The following BASP1 variants were observed in gnomAD, a reference collection of about 807,000 sequenced individuals.
BASP1 encodes brain abundant membrane attached signal protein 1.
BASP1 carries 1 observed loss-of-function variant against 2.2 expected under a neutral mutation model. That is an observed-to-expected ratio of 0.46 (90% CI 0.16 to 2.17). BASP1 has a LOEUF of 2.17. BASP1 is among the 30% of genes most tolerant of loss of function. The probability of loss-of-function intolerance (pLI) is 0.27; values close to 1 mark genes in which losing one functional copy is unlikely to be tolerated. For missense variants in BASP1, 352 were observed against 327.2 expected, an observed-to-expected ratio of 1.08 and a Z score of -0.58; for synonymous variants, 187 against 154.2, an observed-to-expected ratio of 1.21 and a Z score of -1.58.
At chr5:17,237,073 T>C (rs919130881) in intron 1 of BASP1, among the ~76,000 whole-genome samples, 41 of 152,002 alleles carry the variant, frequency 2.7e-4, no homozygotes, top group Admixed American at 2.2e-3. Flanking sequence ...TGGCTGGGCA[T>C]GGTGGCTCAC....
chr5:17,257,981 CTTGAAA>C (rs1197417177), intron 1 of BASP1, among the ~76,000 whole-genome samples: 1 of 152,158 alleles, frequency 6.6e-6, no homozygotes, highest in African/African-American at 2.4e-5. Context: ...ATCAGGGGTT[CTTGAAA>C]TTGCTCACAC....
chr5:17,275,364 G>C lies in BASP1; in HGVS notation c.148G>C (p.Glu50Gln), dbSNP rs746697251. 1 of 1,599,356 alleles carries C rather than the reference G, an allele frequency of 6.3e-7. No homozygotes were observed. Residue 50 changes from glutamate to glutamine, a missense_variant, in exon 2 of 2, where the codon GAG becomes CAG. Physicochemically the swap from Glu to Gln is conservative, Grantham distance 29. Coordinates refer to ENST00000322611, the MANE Select transcript of BASP1 (RefSeq NM_006317.5). This position sits in a 1 kb window ranked among gnomAD's most constrained non-coding sequence, Gnocchi z 5.3. ...SEPQAAAEPA[E>Q]AKEGKEKPDQ... ...GCCCCAGGCGGCCGCAGAGCCCGCC[G>C]AGGCCAAGGAGGGCAAGGAGAAGCC...
intron 1 of BASP1, among the ~76,000 whole-genome samples, chr5:17,268,449 A>C (rs1434438763): frequency 6.6e-6 from 1 of 152,236 alleles, no homozygotes; most frequent in African/African-American, 2.4e-5. Flanking sequence ...TGGTCATGTC[A>C]GCAGCCAAAT....
intron 1 of BASP1, among the ~76,000 whole-genome samples, chr5:17,273,742 G>T (rs190187234): frequency 1.3e-5 from 2 of 152,282 alleles, no homozygotes; most frequent in East Asian, 3.9e-4. Flanking sequence ...TCTGCCAGTG[G>T]ACCTGACCTG....
At chr5:17,238,934 G>A (rs1169761261) in intron 1 of BASP1, among the ~76,000 whole-genome samples, 3 of 152,090 alleles carry the variant, frequency 2.0e-5, no homozygotes, top group East Asian at 3.9e-4. Flanking sequence ...TCTGATCAAC[G>A]GGTAGGAAAG....
intron 1 of BASP1, among the ~76,000 whole-genome samples, chr5:17,225,374 A>C (rs578098193): frequency 6.6e-6 from 1 of 151,882 alleles, no homozygotes; most frequent in East Asian, 1.9e-4. Flanking sequence ...GGGACGGTGC[A>C]GTCACTACCT....
chr5:17,221,944 T>A (rs534268612), intron 1 of BASP1, among the ~76,000 whole-genome samples: 1 of 152,220 alleles, frequency 6.6e-6, no homozygotes, highest in South Asian at 2.1e-4. Context: ...TAAAAATGAC[T>A]TAAGTGTGGA....
chr5:17,226,299 A>C (rs750199030), intron 1 of BASP1, among the ~76,000 whole-genome samples: 1 of 152,258 alleles, frequency 6.6e-6, no homozygotes, highest in African/African-American at 2.4e-5. Context: ...TTTATGAAGA[A>C]ATAGCTGTTA....
In BASP1 at chr5:17,221,598, T is replaced by C. The variant is rs566906317; in HGVS notation, c.-10+3788T>C. Among the ~76,000 whole-genome samples the C allele has an allele frequency of 2.0e-5, 3 of 152,282 alleles. No individual in the cohort carries two copies. In the South Asian group the frequency reaches 6.2e-4, roughly 32 times the overall value. On this transcript the variant is annotated intron_variant, in intron 1 of 1. Transcript: ENST00000322611. ...GCTGGGGAAAAACACTGAGTAGATA[T>C]ATAGACAACTTGAATATTCTCTGAA...
intron 1 of BASP1, among the ~76,000 whole-genome samples, chr5:17,227,515 C>T (rs908604445): frequency 2.0e-5 from 3 of 152,100 alleles, no homozygotes; most frequent in Admixed American, 6.5e-5. Context: ...AATTCTTTTG[C>T]CCCAGCCTCC....
chr5:17,253,564 G>A (rs1204276688), intron 1 of BASP1, among the ~76,000 whole-genome samples: 1 of 152,182 alleles, frequency 6.6e-6, no homozygotes. Context: ...CAGATGCACA[G>A]TATGACATTA....
At chr5:17,248,099 A>G (rs1740030934) in intron 1 of BASP1, among the ~76,000 whole-genome samples, 1 of 152,202 alleles carries the variant, frequency 6.6e-6, no homozygotes, top group Non-Finnish European at 1.5e-5. Flanking sequence ...AGATGGTTTC[A>G]TGCTATTCAA....
In BASP1 at chr5:17,276,746, AAAAC is replaced by A. The variant is rs1283708634; in HGVS notation, c.*850_*853del. ...GAAAATGGAAAAAAAAAACAAAAAA[AAAAC>A]AAAAAAATGTACAATGGATGCATTG... On this transcript the variant is annotated 3_prime_UTR_variant, in exon 2 of 2. Coordinates refer to ENST00000322611, the MANE Select transcript of BASP1 (RefSeq NM_006317.5). 16 of 166,802 alleles carry A rather than the reference AAAAC, an allele frequency of 9.6e-5. No individual in the cohort carries two copies. Among genetic ancestry groups the A allele is most frequent in the Non-Finnish European group, 4.4e-5 (3 of 68,038 alleles). The allele number at this position is 166,802 out of a possible 1,614,324, so 10.3% of individuals were successfully genotyped here.
chr5:17,231,714 C>T (rs1739636565), intron 1 of BASP1, among the ~76,000 whole-genome samples: 1 of 152,174 alleles, frequency 6.6e-6, no homozygotes, highest in Admixed American at 6.5e-5. Context: ...TGGCACTGGG[C>T]ATTTTTGTCC....
chr5:17,231,786 A>G (rs2126493319), intron 1 of BASP1, among the ~76,000 whole-genome samples: 1 of 152,352 alleles, frequency 6.6e-6, no homozygotes, highest in East Asian at 1.9e-4. Context: ...TAAAACATCC[A>G]GGAGGCAGGG....
chr5:17,266,954 T>A (rs1162709327), intron 1 of BASP1, among the ~76,000 whole-genome samples: 1 of 152,170 alleles, frequency 6.6e-6, no homozygotes, highest in Non-Finnish European at 1.5e-5. Flanking sequence ...TGTTAAGTGG[T>A]TGTATTGCGC....
chr5:17,225,246 A>AT (rs138914152), intron 1 of BASP1, among the ~76,000 whole-genome samples: 2,932 of 148,212 alleles, frequency 0.02, 89 homozygotes, highest in African/African-American at 0.065. Context: ...TTTTTCTACC[A>AT]TTTTTTTTTG....
rs577071704 is a variant in BASP1 at position 17,224,021 on chromosome 5, A to G, written c.-10+6211A>G. Among the ~76,000 whole-genome samples the G allele has an allele frequency of 4.6e-5, 7 of 152,338 alleles. No homozygotes were observed. The South Asian group carries it at 1.4e-3, about 32-fold the overall frequency. On this transcript the variant is annotated intron_variant, in intron 1 of 1. Coordinates refer to ENST00000322611, the MANE Select transcript of BASP1 (RefSeq NM_006317.5). ...TATTGACAAATCTTTGGAAGGAATT[A>G]TCCCCGTGGGGACCTTAGAAATCAG...
At chr5:17,272,427 G>C (rs1579504963) in intron 1 of BASP1, among the ~76,000 whole-genome samples, 2 of 152,232 alleles carry the variant, frequency 1.3e-5, no homozygotes, top group Non-Finnish European at 2.9e-5. Flanking sequence ...TCAGCTAGTA[G>C]GATTTCCTTA....
Sources: allele counts gnomAD v4.1 joint callset (sites outside exome capture counted in the v4.1 genomes callset), GRCh38; gene constraint gnomAD v4.1.1; non-coding constraint Gnocchi (gnomAD v3.1); transcripts MANE v1.5; gene names NCBI Gene and HGNC (gene_info 2026-07-23, HGNC 2026-07-21).